EYS: variants seen among roughly 807,000 people sequenced by gnomAD.
EYS encodes EGF-like photoreceptor maintenance factor, also known as protein eyes shut homolog.
EYS carries 250 observed loss-of-function variants against 282.1 expected under a neutral mutation model. The ratio of observed to expected loss-of-function variants is 0.89; its 90% CI spans 0.80 to 0.98. The LOEUF (loss-of-function observed/expected upper bound fraction) is 0.98, where lower values mean the gene tolerates loss of function less well. Among genes scored for constraint, EYS ranks in the 50% least tolerant of loss-of-function variants. The pLI, the probability that EYS is intolerant of heterozygous loss-of-function variation, is 0.00. For missense variants in EYS, 4,016 were observed against 3,709.0 expected, an observed-to-expected ratio of 1.08 and a Z score of -2.15; for synonymous variants, 1,355 against 1,282.9, an observed-to-expected ratio of 1.06 and a Z score of -1.20.
intron 24 of EYS, among the ~76,000 whole-genome samples, chr6:64,594,576 C>G (rs568092216): frequency 6.6e-5 from 10 of 151,192 alleles, no homozygotes; most frequent in African/African-American, 1.9e-4. Context: ...TCATTCTCAG[C>G]AAACTATCGC....
chr6:63,726,751 T>A, intron 41 of EYS, 71 bp from the exon 42 acceptor site: 1 of 1,304,954 alleles, frequency 7.7e-7, no homozygotes, highest in Non-Finnish European at 1.1e-6. Flanking sequence ...ATAAATACAA[T>A]AAACTGCTTA....
rs79036642 is a variant in EYS, at chr6:63,721,171, A to G, written c.8860T>C (p.Phe2954Leu). 6.0e-5 allele frequency: 93 copies of G among 1,551,640 alleles called. No individual in the cohort carries two copies. The East Asian group carries it at 2.2e-3, about 37-fold the overall frequency. The change falls in exon 43 of 43, where the codon TTT becomes CTT. Residue 2954 changes from phenylalanine (F) to leucine (L), a missense_variant. Coordinates refer to ENST00000503581, the MANE Select transcript of EYS (RefSeq NM_001142800.2). Reference protein sequence around the residue: ...VGRYCENKTSFSTAKFMGNSY... With the variant: ...VGRYCENKTSLSTAKFMGNSY... ...TTACCCATAAATTTTGCAGTTGAAA[A>G]TGAAGTTTTGTTTTCACAATACCTT...
chr6:64,838,057 TA>T (rs1472297658), intron 19 of EYS, among the ~76,000 whole-genome samples: 1 of 134,690 alleles, frequency 7.4e-6, no homozygotes, highest in Non-Finnish European at 1.6e-5. Context: ...CAATTTGTTT[TA>T]AAATAATCAC....
chr6:64,015,557 T>G (rs1163359083), intron 33 of EYS, among the ~76,000 whole-genome samples: 1 of 152,114 alleles, frequency 6.6e-6, no homozygotes, highest in Non-Finnish European at 1.5e-5. Flanking sequence ...AAGAAATTAG[T>G]TTTCAGGGAA....
At chr6:64,636,511 A>T (rs1397577970) in intron 22 of EYS, among the ~76,000 whole-genome samples, 2 of 152,216 alleles carry the variant, frequency 1.3e-5, no homozygotes, top group African/African-American at 2.4e-5. Flanking sequence ...AGGCAATACC[A>T]TTCAGAACAT....
At chr6:64,941,740 C>T (rs932201115) in intron 15 of EYS, among the ~76,000 whole-genome samples, 6 of 152,010 alleles carry the variant, frequency 3.9e-5, no homozygotes, top group Non-Finnish European at 5.9e-5. Flanking sequence ...ATTAATTCAC[C>T]TAGAATAATG....
chr6:64,740,017 C>A (rs552294126), intron 22 of EYS, among the ~76,000 whole-genome samples: 14 of 152,090 alleles, frequency 9.2e-5, no homozygotes, highest in East Asian at 1.9e-4. Flanking sequence ...TCAAACCAAT[C>A]AAAAATCTGG....
At chr6:64,161,534 T>A (rs1424993944) in intron 31 of EYS, among the ~76,000 whole-genome samples, 3 of 152,180 alleles carry the variant, frequency 2.0e-5, no homozygotes, top group African/African-American at 7.2e-5. Flanking sequence ...GAAGTAATCT[T>A]TTTGAAGAAG....
rs143660458 is a variant in EYS at position 64,034,890 on chromosome 6, A to G, written c.6725+31448T>C. ...CAGCAAGATGAAATTATATATTTCT[A>G]TTTTTAATATCTTACCAAAGCAACA... is the stretch of plus-strand genomic sequence containing the variant. On this transcript the variant is annotated intron_variant, in intron 33 of 42. Transcript: ENST00000503581. Among the ~76,000 whole-genome samples, 3 of 152,360 alleles carry G rather than the reference A, an allele frequency of 2.0e-5. No homozygotes were observed. In the East Asian group the frequency reaches 5.8e-4, roughly 29 times the overall value.
chr6:64,695,025 T>A (rs9363104), intron 22 of EYS, among the ~76,000 whole-genome samples: 103,987 of 151,348 alleles, frequency 0.69, 36,748 homozygotes, highest in Non-Finnish European at 0.78. Flanking sequence ...CTTTGGTTCA[T>A]CAGTAGTTGC....
intron 33 of EYS, among the ~76,000 whole-genome samples, chr6:64,045,427 ATTTTAT>A (rs1330058440): frequency 3.0e-5 from 4 of 131,964 alleles, no homozygotes; most frequent in African/African-American, 1.2e-4. Context: ...ATTTTATTTT[ATTTTAT>A]TTTATTTATT....
In EYS at chr6:64,311,483, C is replaced by A. The variant is rs780039571; in HGVS notation, c.6079-4401G>T. Among the ~76,000 whole-genome samples, 88 of 152,052 alleles carry A rather than the reference C, an allele frequency of 5.8e-4. 1 individual carries two copies. The highest frequency in any genetic ancestry group is 4.1e-4 in the Non-Finnish European group (28 of 68,008). On this transcript the variant is annotated intron_variant, in intron 29 of 42. Coordinates refer to ENST00000503581, the MANE Select transcript of EYS (RefSeq NM_001142800.2). ...CAAATAACTCCTGGTTATTTCTAAACAATGTAAAATGGCAATGTAGTATGC... is the reference window on the plus strand; with the variant it reads ...CAAATAACTCCTGGTTATTTCTAAAAAATGTAAAATGGCAATGTAGTATGC...
intron 19 of EYS, among the ~76,000 whole-genome samples, chr6:64,870,413 C>T (rs963907690): frequency 2.1e-5 from 3 of 141,674 alleles, no homozygotes; most frequent in African/African-American, 7.8e-5. Flanking sequence ...CAATTACCCC[C>T]CTCCTCCCCC....
At chr6:64,623,858 C>T (rs1037231884) in intron 23 of EYS, among the ~76,000 whole-genome samples, 4 of 151,884 alleles carry the variant, frequency 2.6e-5, no homozygotes, top group Admixed American at 6.6e-5. Context: ...ACCCTGAAAC[C>T]GTGGCAAACT....
chr6:63,909,452 C>T (rs1773861548), intron 35 of EYS, among the ~76,000 whole-genome samples: 1 of 152,186 alleles, frequency 6.6e-6, no homozygotes, highest in Non-Finnish European at 1.5e-5. Flanking sequence ...CTAATACATT[C>T]ATCAGGAAAC....
intron 23 of EYS, among the ~76,000 whole-genome samples, chr6:64,623,335 A>G (rs986921198): frequency 2.0e-5 from 3 of 152,196 alleles, no homozygotes; most frequent in Non-Finnish European, 4.4e-5. Context: ...TGATGAATGC[A>G]CAAGTGTCAG....
At chr6:65,074,796 A>C (rs1218255321) in intron 12 of EYS, among the ~76,000 whole-genome samples, 1 of 152,012 alleles carries the variant, frequency 6.6e-6, no homozygotes, top group African/African-American at 2.4e-5. Context: ...AGGTAAAGAC[A>C]GGCCTCTGTT....
chr6:64,048,402 T>A (rs910357705), intron 33 of EYS, among the ~76,000 whole-genome samples: 1 of 152,066 alleles, frequency 6.6e-6, no homozygotes, highest in Admixed American at 6.6e-5. Flanking sequence ...GGCTCTGTGC[T>A]TGGGTGAGGG....
chr6:65,253,945 T>G (rs562930676), intron 12 of EYS, among the ~76,000 whole-genome samples: 1 of 151,948 alleles, frequency 6.6e-6, no homozygotes, highest in African/African-American at 2.4e-5. Flanking sequence ...TAAAGCTTAA[T>G]CTCATTGAAA....
Sources: gnomAD v4.1 joint callset for allele counts (sites outside exome capture counted in the v4.1 genomes callset) on GRCh38, gnomAD v4.1.1 for gene constraint, MANE v1.5 for transcripts, NCBI Gene and HGNC (gene_info 2026-07-23, HGNC 2026-07-21) for gene names.